The following ST18 variants were observed in gnomAD, a reference collection of about 807,000 sequenced individuals.
ST18 encodes the protein ST18 C2H2C-type zinc finger transcription factor.
A neutral mutation model predicts 110.0 loss-of-function variants in ST18; 50 were observed. That is an observed-to-expected ratio of 0.45 (90% confidence interval 0.36 to 0.58). The LOEUF is 0.58. Ranked by LOEUF, ST18 falls within the 20% of genes least tolerant of loss-of-function variation. ST18 has a pLI of 0.00. For synonymous variants in ST18, 461 were observed against 452.4 expected (o/e 1.02, Z -0.24); for missense variants, 1,306 against 1,280.1 (o/e 1.02, Z -0.31).
rs150454323 is a variant in ST18 at position 52,214,338 on chromosome 8, G to A, written c.1-81C>T. ...AAAACATGTAATTAGAAGTTCTGAA[G>A]GTCATTATGAAAAACAGTAGCCTTC... On this transcript the variant is annotated intron_variant, in intron 6 of 25. Coordinates refer to ENST00000689386, the MANE Select transcript of ST18 (RefSeq NM_001352837.2). The A allele has an allele frequency of 1.2e-4, 178 of 1,480,716 alleles. No individual in the cohort carries two copies. In the East Asian group the frequency reaches 3.3e-3, roughly 27 times the overall value. 91.7% of individuals were successfully genotyped at this position (1,480,716 alleles called of 1,614,324 possible).
At position 52,132,089 on chromosome 8, in the gene ST18, C is replaced by T. The variant is rs1337499335; in HGVS notation, c.2535G>A (p.Lys845=). The T allele has an allele frequency of 2.5e-6, 4 of 1,614,176 alleles. No homozygotes were observed. Among genetic ancestry groups the T allele is most frequent in the Non-Finnish European group, 2.5e-6 (3 of 1,180,042 alleles). ...RTASGCPLAA[K]RQKENPLNGA... ...CATTGAGAGGATTCTCCTTCTGTCTCTTGGCAGCCAGAGGACAGCCAGAAG... is the reference window on the plus strand; with the variant it reads ...CATTGAGAGGATTCTCCTTCTGTCTTTTGGCAGCCAGAGGACAGCCAGAAG... Residue 845 remains lysine (K), a synonymous_variant, in exon 22 of 26, where the codon AAG becomes AAA. Transcript: ENST00000689386.
intron 2 of ST18, among the ~76,000 whole-genome samples, chr8:52,333,808 G>A (rs936742058): frequency 1.4e-4 from 21 of 152,124 alleles, no homozygotes; most frequent in African/African-American, 4.1e-4. Context: ...ACTGGGCCAC[G>A]CCAAATAGAA....
intron 8 of ST18, chr8:52,210,073 G>A: frequency 2.2e-6 from 1 of 455,978 alleles, no homozygotes; most frequent in Non-Finnish European, 4.4e-6. Context: ...GGACTCTGGT[G>A]TCCCTCACCA....
At chr8:52,171,312 G>C (rs944600044) in intron 10 of ST18, among the ~76,000 whole-genome samples, 1 of 152,146 alleles carries the variant, frequency 6.6e-6, no homozygotes, top group African/African-American at 2.4e-5. Flanking sequence ...TATGAGCCCC[G>C]AGTTAGAAAG....
rs1163435108 is a variant in ST18, at chr8:52,409,748, C to T, written c.-790G>A. 1 of 152,276 alleles carries T rather than the reference C, an allele frequency of 6.6e-6. No individual in the cohort carries two copies. The highest frequency in any genetic ancestry group is 6.5e-5 in the Admixed American group (1 of 15,290). 9.4% of individuals were successfully genotyped at this position (152,276 alleles called of 1,614,324 possible). A position where few individuals can be genotyped will look rare whatever the true frequency, so the allele number is the denominator to read the frequency against. On this transcript the variant is annotated 5_prime_UTR_variant, in exon 1 of 26. An upstream start codon of the reference 5' UTR is lost. Coordinates refer to ENST00000689386, the MANE Select transcript of ST18 (RefSeq NM_001352837.2). ...TGCCCTTCTCCCTACAAAAAGGTTC[C>T]ATAGAATCAGAACGCAGAGGCGCTG...
chr8:52,205,542 A>T (rs921612391), intron 8 of ST18, among the ~76,000 whole-genome samples: 23 of 152,036 alleles, frequency 1.5e-4, no homozygotes, highest in Non-Finnish European at 2.4e-4. Context: ...CTGTTTTTTT[A>T]AAAAAATTTT....
intron 2 of ST18, among the ~76,000 whole-genome samples, chr8:52,269,059 G>T (rs555463399): frequency 8.4e-4 from 128 of 152,296 alleles, no homozygotes; most frequent in Non-Finnish European, 1.6e-3. Context: ...CAGTTCTACT[G>T]CTGTAACTTA....
chr8:52,205,459 T>C (rs2079616986), intron 8 of ST18, among the ~76,000 whole-genome samples: 1 of 152,180 alleles, frequency 6.6e-6, no homozygotes, highest in Non-Finnish European at 1.5e-5. Flanking sequence ...GAGTCTTTCC[T>C]AGATATTTTA....
chr8:52,133,549 A>G (rs887211004), intron 19 of ST18, among the ~76,000 whole-genome samples: 1 of 152,018 alleles, frequency 6.6e-6, no homozygotes, highest in African/African-American at 2.4e-5. Flanking sequence ...TTAAGGATAT[A>G]TGACTACTGA....
chr8:52,229,103 C>T (rs2090511662), intron 3 of ST18, among the ~76,000 whole-genome samples: 1 of 152,160 alleles, frequency 6.6e-6, no homozygotes, highest in Non-Finnish European at 1.5e-5. Flanking sequence ...CAGTCTTAGC[C>T]TCTCAAGAAC....
chr8:52,308,900 T>A (rs2095856208), intron 2 of ST18, among the ~76,000 whole-genome samples: 1 of 152,188 alleles, frequency 6.6e-6, no homozygotes, highest in Admixed American at 6.5e-5. Context: ...TATAACTAAG[T>A]GTTGCAAGTA....
chr8:52,340,127 T>G (rs567019733), intron 2 of ST18, among the ~76,000 whole-genome samples: 1 of 152,264 alleles, frequency 6.6e-6, no homozygotes, highest in East Asian at 1.9e-4. Flanking sequence ...TAATGCAAAT[T>G]TGCTTCGAAG....
intron 2 of ST18, among the ~76,000 whole-genome samples, chr8:52,296,114 T>C (rs1315405522): frequency 6.6e-6 from 1 of 152,142 alleles, no homozygotes; most frequent in South Asian, 2.1e-4. Flanking sequence ...TGTTTTAACA[T>C]CATGCATATA....
At chr8:52,160,801 T>C (rs1225087663) in intron 14 of ST18, among the ~76,000 whole-genome samples, 2 of 152,232 alleles carry the variant, frequency 1.3e-5, no homozygotes, top group Admixed American at 6.5e-5. Context: ...TAATGTATTT[T>C]AAGTGTTTCC....
intron 2 of ST18, 114 bp downstream of exon 2, chr8:52,409,214 G>A (rs1266589682): frequency 6.6e-6 from 1 of 152,260 alleles, no homozygotes; most frequent in African/African-American, 2.4e-5. Flanking sequence ...CAAAAGGTGA[G>A]CCCTCCTAAC....
intron 22 of ST18, 103 bp downstream of exon 22, chr8:52,131,855 C>T: frequency 3.0e-6 from 3 of 1,003,606 alleles, no homozygotes. Flanking sequence ...TCAACTGCTA[C>T]AGTGAACAAC....
At chr8:52,228,398 C>T (rs1339188662) in intron 3 of ST18, among the ~76,000 whole-genome samples, 1 of 152,174 alleles carries the variant, frequency 6.6e-6, no homozygotes, top group Non-Finnish European at 1.5e-5. Context: ...CTTCACTTTT[C>T]TCACTTACAT....
intron 2 of ST18, among the ~76,000 whole-genome samples, chr8:52,349,662 C>T (rs1177865805): frequency 6.6e-6 from 1 of 152,160 alleles, no homozygotes; most frequent in East Asian, 1.9e-4. Flanking sequence ...CAAAGCAAAA[C>T]AAATTTCTGA....
chr8:52,379,914 G>A (rs1833896598), intron 2 of ST18, among the ~76,000 whole-genome samples: 2 of 152,184 alleles, frequency 1.3e-5, no homozygotes. Flanking sequence ...AGTGTTGCTA[G>A]TATCTGCTTA....
Sources: allele counts gnomAD v4.1 joint callset (sites outside exome capture counted in the v4.1 genomes callset), GRCh38; gene constraint gnomAD v4.1.1; transcripts MANE v1.5; gene names NCBI Gene and HGNC (gene_info 2026-07-23, HGNC 2026-07-21).